ERC2: variants seen among roughly 807,000 people sequenced by gnomAD.
ERC2 encodes ERC protein 2.
A neutral mutation model predicts 114.8 loss-of-function variants in ERC2; 42 were observed. That is an observed-to-expected ratio of 0.37 (90% CI 0.29 to 0.47). The LOEUF is 0.47. Ranked by LOEUF, ERC2 falls within the 20% of genes least tolerant of loss-of-function variation. The pLI is 0.99. For synonymous variants in ERC2, 454 were observed against 425.5 expected (o/e 1.07, Z -0.82); for missense variants, 939 against 1,150.7 (o/e 0.82, Z 2.66).
At position 56,135,418 on chromosome 3, in the gene ERC2, T is replaced by C. The variant is rs184288227; in HGVS notation, c.1473+4091A>G. Among the ~76,000 whole-genome samples, 62 of 152,162 alleles carry C rather than the reference T, an allele frequency of 4.1e-4. 1 individual carries two copies. The South Asian group carries it at 0.012, about 28-fold the overall frequency. On this transcript the variant is annotated intron_variant, in intron 6 of 17. Coordinates refer to ENST00000288221, the MANE Select transcript of ERC2 (RefSeq NM_015576.3). ...AAAAATTCAAAAGAGACCCACAAAG[T>C]GAAACACAGAACAGATGTGAAGATG...
intron 17 of ERC2, among the ~76,000 whole-genome samples, chr3:55,557,840 C>A (rs1226850500): frequency 2.6e-5 from 4 of 152,226 alleles, no homozygotes. Flanking sequence ...GCAACTCCAA[C>A]TTATCTCTTA....
intron 5 of ERC2, among the ~76,000 whole-genome samples, chr3:56,142,186 A>G (rs185119580): frequency 2.3e-4 from 35 of 152,182 alleles, no homozygotes; most frequent in African/African-American, 8.2e-4. Flanking sequence ...TTTTTGTTTC[A>G]TCTAAATTTT....
chr3:56,387,223 T>C (rs1399514039), intron 2 of ERC2, among the ~76,000 whole-genome samples: 1 of 152,212 alleles, frequency 6.6e-6, no homozygotes, highest in Non-Finnish European at 1.5e-5. Flanking sequence ...TGCTATGAGC[T>C]GAAATTATTT....
intron 14 of ERC2, among the ~76,000 whole-genome samples, chr3:55,797,372 T>C (rs545625593): frequency 6.6e-6 from 1 of 151,762 alleles, no homozygotes; most frequent in East Asian, 1.9e-4. Flanking sequence ...CAGTGGCAAG[T>C]TGAAAGGGCT....
intron 17 of ERC2, among the ~76,000 whole-genome samples, chr3:55,648,700 G>A (rs1378273967): frequency 1.4e-4 from 22 of 152,176 alleles, no homozygotes; most frequent in African/African-American, 5.1e-4. Context: ...TCCAGAGTCT[G>A]TCTATTAGAA....
intron 3 of ERC2, among the ~76,000 whole-genome samples, chr3:56,204,402 T>C (rs991884881): frequency 9.2e-5 from 14 of 152,204 alleles, no homozygotes; most frequent in Non-Finnish European, 1.8e-4. Flanking sequence ...GTCTCACTTT[T>C]ATTAAGAGAC....
At chr3:55,711,876 C>G (rs1367826045) in intron 15 of ERC2, among the ~76,000 whole-genome samples, 2 of 152,102 alleles carry the variant, frequency 1.3e-5, no homozygotes, top group Non-Finnish European at 2.9e-5. Context: ...AAGAGAGAAC[C>G]CTAAAATAGA....
chr3:56,080,222 A>G (rs941012304), intron 7 of ERC2, among the ~76,000 whole-genome samples: 3 of 152,208 alleles, frequency 2.0e-5, no homozygotes, highest in Non-Finnish European at 2.9e-5. Context: ...CGGGAATGCT[A>G]TCACAAAATC....
intron 1 of ERC2, among the ~76,000 whole-genome samples, chr3:56,447,372 C>A (rs2062626098): frequency 6.6e-6 from 1 of 152,190 alleles, no homozygotes; most frequent in African/African-American, 2.4e-5. Context: ...GATTTATATC[C>A]ATATCCCGCT....
At chr3:55,876,967 T>C (rs935430054) in intron 14 of ERC2, among the ~76,000 whole-genome samples, 21 of 152,306 alleles carry the variant, frequency 1.4e-4, no homozygotes, top group South Asian at 4.1e-4. Context: ...TGCCTGATCA[T>C]TGTGCTGAAC....
intron 3 of ERC2, among the ~76,000 whole-genome samples, chr3:56,191,668 A>G (rs1005328503): frequency 1.3e-5 from 2 of 152,094 alleles, no homozygotes; most frequent in African/African-American, 2.4e-5. Flanking sequence ...TCCTAGAAAG[A>G]TGTTGCACAT....
intron 7 of ERC2, among the ~76,000 whole-genome samples, chr3:56,049,347 G>A (rs1359688800): frequency 6.6e-6 from 1 of 152,146 alleles, no homozygotes; most frequent in Non-Finnish European, 1.5e-5. Context: ...TTTAACAGGT[G>A]AAGGAACAAA....
chr3:56,437,166 C>T (rs2062059856), intron 1 of ERC2, among the ~76,000 whole-genome samples: 1 of 152,220 alleles, frequency 6.6e-6, no homozygotes, highest in Non-Finnish European at 1.5e-5. Context: ...CTCTCTTGCT[C>T]ATTTTCCTCT....
chr3:55,990,680 T>G (rs933312231), intron 11 of ERC2, among the ~76,000 whole-genome samples: 2 of 152,212 alleles, frequency 1.3e-5, no homozygotes, highest in East Asian at 3.8e-4. Flanking sequence ...CCTCCCAAAG[T>G]GCTGGGATTA....
chr3:55,602,061 T>C (rs894763137), intron 17 of ERC2, among the ~76,000 whole-genome samples: 1 of 152,236 alleles, frequency 6.6e-6, no homozygotes, highest in Non-Finnish European at 1.5e-5. Flanking sequence ...ATCTCTTCTA[T>C]TTCACATTCC....
chr3:55,864,564 C>A (rs1044027443), intron 14 of ERC2, among the ~76,000 whole-genome samples: 1 of 152,064 alleles, frequency 6.6e-6, no homozygotes, highest in Non-Finnish European at 1.5e-5. Flanking sequence ...TCTTTTTAAG[C>A]CAACATGCAG....
intron 3 of ERC2, among the ~76,000 whole-genome samples, chr3:56,287,929 G>C (rs2054830394): frequency 6.6e-6 from 1 of 152,202 alleles, no homozygotes; most frequent in South Asian, 2.1e-4. Flanking sequence ...GCTGCCCTTA[G>C]TGAGTGCCCA....
chr3:55,515,325 T>C (rs2052413991), intron 17 of ERC2, among the ~76,000 whole-genome samples: 1 of 151,934 alleles, frequency 6.6e-6, no homozygotes, highest in African/African-American at 2.4e-5. Flanking sequence ...TTAATATTTA[T>C]CTCTGGGTGG....
At chr3:56,207,089 G>A (rs145429987) in intron 3 of ERC2, among the ~76,000 whole-genome samples, 295 of 152,276 alleles carry the variant, frequency 1.9e-3, no homozygotes, top group African/African-American at 6.7e-3. Context: ...ATCATTAGTT[G>A]CGGCTCTCAC....
Sources: allele counts gnomAD v4.1 joint callset (sites outside exome capture counted in the v4.1 genomes callset), GRCh38; gene constraint gnomAD v4.1.1; transcripts MANE v1.5; gene names NCBI Gene and HGNC (gene_info 2026-07-23, HGNC 2026-07-21).